PABPC4L: variants seen among roughly 807,000 people sequenced by gnomAD.
PABPC4L encodes the protein polyadenylate-binding protein 4-like.
For synonymous variants in PABPC4L, 169 were observed against 164.1 expected, an observed-to-expected ratio of 1.03 and a Z score of -0.23; for missense variants, 452 against 451.4, an observed-to-expected ratio of 1.00 and a Z score of -0.01.
At chr4:134,058,295 C>A in the PABPC4L span, among the ~76,000 whole-genome samples, 1 of 151,900 alleles carries the variant, frequency 6.6e-6, no homozygotes, top group South Asian at 2.1e-4. Context: ...CAAAATTTAT[C>A]TAAAAATAGG....
At chr4:134,158,927 T>C in the PABPC4L span, among the ~76,000 whole-genome samples, 1 of 152,208 alleles carries the variant, frequency 6.6e-6, no homozygotes, top group East Asian at 1.9e-4. Context: ...CTGCGTAGCA[T>C]GTTACTATAT....
the PABPC4L span, among the ~76,000 whole-genome samples, chr4:134,053,713 G>A: frequency 1.3e-5 from 2 of 151,880 alleles, no homozygotes; most frequent in Admixed American, 6.6e-5. Context: ...GGTCTTATGA[G>A]GACATTGGTA....
chr4:134,091,175 T>C, the PABPC4L span, among the ~76,000 whole-genome samples: 11,196 of 152,152 alleles, frequency 0.074, 545 homozygotes, highest in South Asian at 0.12. Flanking sequence ...AACTTACTTT[T>C]GTGTCTTTCA....
chr4:133,984,915 A>G, the PABPC4L span, among the ~76,000 whole-genome samples: 2 of 151,970 alleles, frequency 1.3e-5, no homozygotes, highest in African/African-American at 2.4e-5. Flanking sequence ...TAGTAGGACT[A>G]ACCCAGGAAC....
At chr4:134,085,906 G>A in the PABPC4L span, among the ~76,000 whole-genome samples, 3 of 152,050 alleles carry the variant, frequency 2.0e-5, no homozygotes, top group Admixed American at 6.6e-5. Flanking sequence ...CTGCTTTTCT[G>A]GTAGATATGT....
At chr4:134,135,835 A>AAAAT in the PABPC4L span, among the ~76,000 whole-genome samples, 10 of 152,126 alleles carry the variant, frequency 6.6e-5, no homozygotes, top group African/African-American at 1.9e-4. Context: ...CTCTGTCTCA[A>AAAAT]AAATAAATAA....
chr4:134,047,377 A>T, the PABPC4L span, among the ~76,000 whole-genome samples: 561 of 152,228 alleles, frequency 3.7e-3, 2 homozygotes, highest in Middle Eastern at 0.024. Context: ...CAAATAATAC[A>T]AAAAGAGATG....
chr4:134,140,385 A>G, the PABPC4L span, among the ~76,000 whole-genome samples: 2 of 151,866 alleles, frequency 1.3e-5, no homozygotes, highest in Admixed American at 6.6e-5. Context: ...GGGAGACTGA[A>G]GTCCAAGGTG....
chr4:134,064,723 G>A, the PABPC4L span, among the ~76,000 whole-genome samples: 1 of 151,982 alleles, frequency 6.6e-6, no homozygotes, highest in Non-Finnish European at 1.5e-5. Context: ...AAATGCAATA[G>A]GTAGCTTTTC....
chr4:134,039,394 CA>C, the PABPC4L span, among the ~76,000 whole-genome samples: 1 of 152,010 alleles, frequency 6.6e-6, no homozygotes, highest in South Asian at 2.1e-4. Context: ...TTTTCTGTTT[CA>C]TTGATCTGTC....
chr4:134,087,467 GCACACCCAGC>G, the PABPC4L span, among the ~76,000 whole-genome samples: 1 of 152,040 alleles, frequency 6.6e-6, no homozygotes, highest in Non-Finnish European at 1.5e-5. Context: ...ATATAAACTT[GCACACCCAGC>G]CATAGGGCAA....
the PABPC4L span, among the ~76,000 whole-genome samples, chr4:133,992,864 C>T: frequency 5.9e-5 from 9 of 152,168 alleles, no homozygotes; most frequent in East Asian, 1.2e-3. Flanking sequence ...AGGTGATGTT[C>T]GGGGCTTGTG....
chr4:134,083,502 C>T, the PABPC4L span, among the ~76,000 whole-genome samples: 2 of 152,108 alleles, frequency 1.3e-5, no homozygotes, highest in Non-Finnish European at 2.9e-5. Flanking sequence ...TACTGAACAA[C>T]GTGTGACAGA....
chr4:133,978,644 A>G, the PABPC4L span, among the ~76,000 whole-genome samples: 3 of 152,016 alleles, frequency 2.0e-5, no homozygotes, highest in Non-Finnish European at 4.4e-5. Context: ...CCTTGCTCAC[A>G]TGTTTTACAG....
the PABPC4L span, among the ~76,000 whole-genome samples, chr4:134,027,482 G>T: frequency 1.3e-5 from 2 of 152,032 alleles, no homozygotes; most frequent in Non-Finnish European, 2.9e-5. Context: ...TTCATTTTTT[G>T]TTGGACATTA....
chr4:133,978,323 G>A, the PABPC4L span, among the ~76,000 whole-genome samples: 1 of 152,234 alleles, frequency 6.6e-6, no homozygotes, highest in East Asian at 1.9e-4. Flanking sequence ...AAAATCAGTT[G>A]CAGGATGGGT....
At chr4:134,053,797 A>G in the PABPC4L span, among the ~76,000 whole-genome samples, 2 of 152,048 alleles carry the variant, frequency 1.3e-5, no homozygotes, top group African/African-American at 4.8e-5. Context: ...AAGGACTCAA[A>G]ATTCGGAATA....
In PABPC4L at chr4:134,200,033, C is replaced by A; in HGVS notation, c.987G>T (p.Gly329=). The change falls in exon 2 of 2, where the codon GGG becomes GGT. Residue 329 remains glycine (G), a synonymous_variant. Coordinates refer to ENST00000421491, the MANE Select transcript of PABPC4L (RefSeq NM_001114734.2). ...ISRVKVMQEE[G]QSKGFGLICF... ...AGATCAAGCCAAACCCTTTGCTCTG[C>A]CCCTCTTCCTGCATTACCTTAACTC... 6.4e-7 allele frequency: 1 copy of A among 1,551,656 alleles called. No homozygotes were observed.
At chr4:134,043,141 C>G in the PABPC4L span, among the ~76,000 whole-genome samples, 1 of 151,706 alleles carries the variant, frequency 6.6e-6, no homozygotes, top group Non-Finnish European at 1.5e-5. Context: ...GCTGTCCTAT[C>G]CAAGAAAATT....
Sources: allele counts gnomAD v4.1 joint callset (sites outside exome capture counted in the v4.1 genomes callset), GRCh38; gene constraint gnomAD v4.1.1; transcripts MANE v1.5; gene names NCBI Gene and HGNC (gene_info 2026-07-23, HGNC 2026-07-21).